Variants in TANGO2 observed in about 807,000 individuals in gnomAD.
TANGO2 encodes transport and golgi organization 2 homolog.
Under a neutral mutation model 39.1 loss-of-function variants are expected in TANGO2, and 26 were observed. The observed-to-expected ratio is 0.67, with a 90% CI of 0.49 to 0.92. The LOEUF is 0.92. Ranked by LOEUF, TANGO2 falls within the 40% of genes least tolerant of loss-of-function variation. The pLI is 0.00. For missense variants in TANGO2, 326 were observed against 360.1 expected, an observed-to-expected ratio of 0.91 and a Z score of 0.77; for synonymous variants, 131 against 144.5, an observed-to-expected ratio of 0.91 and a Z score of 0.67.
chr22:20,027,832 G>A (rs1272966592), intron 1 of TANGO2, among the ~76,000 whole-genome samples: 3 of 150,286 alleles, frequency 2.0e-5, no homozygotes, highest in East Asian at 2.0e-4. Context: ...GGAGTCTCGC[G>A]CTGTCACCCA....
At chr22:20,043,277 G>A (rs1175434416) in intron 2 of TANGO2, 78 bp from the exon 3 acceptor site, 3 of 1,134,880 alleles carry the variant, frequency 2.6e-6, no homozygotes, top group East Asian at 2.4e-5. Context: ...ACTGAGGCCA[G>A]TTTTGTGTGT....
At chr22:20,023,711 C>T (rs988527046) in intron 1 of TANGO2, among the ~76,000 whole-genome samples, 1 of 151,320 alleles carries the variant, frequency 6.6e-6, no homozygotes, top group African/African-American at 2.4e-5. Flanking sequence ...AAAAATTAGC[C>T]GGACGTGGTG....
chr22:20,063,397 G>A lies in TANGO2; in HGVS notation c.665G>A (p.Ser222Asn). The change falls in exon 8 of 9, where the codon AGC becomes AAC. Residue 222 changes from serine to asparagine, a missense_variant. Transcript: ENST00000327374. The part of the protein sequence containing the change: ...QGGEYVQPML[S>N]KYAAVCVRCP... ...GGGGAGTACGTGCAGCCCATGCTGA[G>A]CAAGTACGCGGCTGTGTGCGTGCGC... 6.2e-7 allele frequency: 1 copy of A among 1,613,566 alleles called. No individual in the cohort carries two copies. The highest frequency in any genetic ancestry group is 8.5e-7 in the Non-Finnish European group (1 of 1,179,914).
At chr22:20,041,203 G>A (rs142099321) in intron 2 of TANGO2, among the ~76,000 whole-genome samples, 5 of 152,306 alleles carry the variant, frequency 3.3e-5, no homozygotes, top group African/African-American at 9.6e-5. Flanking sequence ...CTAGAGTGCA[G>A]TGGCACGATC....
chr22:20,042,878 A>G (rs1051126106), intron 2 of TANGO2, among the ~76,000 whole-genome samples: 3 of 152,188 alleles, frequency 2.0e-5, no homozygotes, highest in Non-Finnish European at 4.4e-5. Flanking sequence ...TTAACTCCAA[A>G]ACACACAGAA....
At chr22:20,024,611 G>A (rs2040376775) in intron 1 of TANGO2, among the ~76,000 whole-genome samples, 1 of 152,146 alleles carries the variant, frequency 6.6e-6, no homozygotes, top group Non-Finnish European at 1.5e-5. Flanking sequence ...CAGACTGTAG[G>A]GCTTAGTCAC....
chr22:20,035,490 G>A (rs2042672862), intron 1 of TANGO2, among the ~76,000 whole-genome samples: 1 of 152,220 alleles, frequency 6.6e-6, no homozygotes, highest in Admixed American at 6.5e-5. Flanking sequence ...ACCCTTGGGT[G>A]GCCTCGGAAT....
chr22:20,035,558 A>T (rs1042445177), intron 1 of TANGO2, among the ~76,000 whole-genome samples: 1 of 152,240 alleles, frequency 6.6e-6, no homozygotes, highest in Non-Finnish European at 1.5e-5. Flanking sequence ...TGGGCCCCAG[A>T]GGTCCCTGGG....
chr22:20,052,693 G>A (rs2046600288), intron 4 of TANGO2, 109 bp downstream of exon 4: 8 of 1,392,324 alleles, frequency 5.7e-6, no homozygotes, highest in African/African-American at 1.4e-5. Flanking sequence ...ATGGTGGAGT[G>A]GGGCGGGCCA....
At chr22:20,024,635 A>G (rs1232047948) in intron 1 of TANGO2, among the ~76,000 whole-genome samples, 1 of 152,100 alleles carries the variant, frequency 6.6e-6, no homozygotes, top group African/African-American at 2.4e-5. Flanking sequence ...CTGTTCAGGG[A>G]CTCACCATGT....
chr22:20,066,119 G>T lies in TANGO2; in HGVS notation c.*1457G>T, dbSNP rs1210781395. ...GCTGTGAGAGACCCCATGCGCGTGG[G>T]ATGTGGTAGATGCTGATTATGGGGC... On this transcript the variant is annotated 3_prime_UTR_variant, in exon 9 of 9. Transcript: ENST00000327374. The T allele has an allele frequency of 6.6e-6, 1 of 152,316 alleles. No individual in the cohort carries two copies. 9.4% of individuals were successfully genotyped at this position (152,316 alleles called of 1,614,324 possible).
At chr22:20,044,469 T>A (rs913133154) in intron 3 of TANGO2, among the ~76,000 whole-genome samples, 47 of 152,204 alleles carry the variant, frequency 3.1e-4, no homozygotes, top group Non-Finnish European at 4.9e-4. Context: ...GAGGTTTCAG[T>A]GAGCTGAGAT....
chr22:20,061,471 A>C (rs2048366908), intron 6 of TANGO2, 59 bp from the exon 7 acceptor site: 1 of 1,524,716 alleles, frequency 6.6e-7, no homozygotes, highest in Admixed American at 2.0e-5. Flanking sequence ...GGCAGGTGGC[A>C]ATTTGCCCTG....
At chr22:20,025,175 T>A (rs1020584072) in intron 1 of TANGO2, among the ~76,000 whole-genome samples, 1 of 148,152 alleles carries the variant, frequency 6.7e-6, no homozygotes, top group African/African-American at 2.5e-5. Flanking sequence ...CACTGCAACC[T>A]CTGCCTCTCA....
chr22:20,053,483 C>G lies in TANGO2; in HGVS notation c.312C>G (p.Ser104=). Residue 104 remains serine (S), a synonymous_variant, in exon 5 of 9, where the codon TCC becomes TCG. Coordinates refer to ENST00000327374, the MANE Select transcript of TANGO2 (RefSeq NM_152906.7). ...TGACCACTGACGTGGACAGCTTGTC[C>G]TACCTGAAGAAGGTCTCTATGGAGG... ...HFLTTDVDSL[S]YLKKVSMEGH... 1 of 1,614,040 alleles carries G rather than the reference C, an allele frequency of 6.2e-7. No homozygotes were observed. The highest frequency in any genetic ancestry group is 8.5e-7 in the Non-Finnish European group (1 of 1,179,890).
In TANGO2 at chr22:20,061,678, A is replaced by G; in HGVS notation, c.600A>G (p.Glu200=). ...IASLLDVLNN[E]EAQLPDPAIE... ...GCCTCCTGGATGTGCTCAACAATGAAGAGGCGTGAGTGGGCGGGTCCTGCT... is the reference window on the plus strand; with the variant it reads ...GCCTCCTGGATGTGCTCAACAATGAGGAGGCGTGAGTGGGCGGGTCCTGCT... Residue 200 remains glutamate, a synonymous_variant, in exon 7 of 9, where the codon GAA becomes GAG. Transcript: ENST00000327374. 1 of 1,549,686 alleles carries G rather than the reference A, an allele frequency of 6.5e-7. No homozygotes were observed. The highest frequency in any genetic ancestry group is 8.7e-7 in the Non-Finnish European group (1 of 1,146,334).
intron 1 of TANGO2, among the ~76,000 whole-genome samples, chr22:20,036,275 G>T (rs561701215): frequency 6.6e-6 from 1 of 152,168 alleles, no homozygotes; most frequent in Non-Finnish European, 1.5e-5. Context: ...CTGCGTACTA[G>T]GGGATAAATT....
At chr22:20,052,932 A>G (rs1569311265) in intron 4 of TANGO2, among the ~76,000 whole-genome samples, 1 of 152,122 alleles carries the variant, frequency 6.6e-6, no homozygotes, top group Non-Finnish European at 1.5e-5. Flanking sequence ...CGGCAGAGAC[A>G]GGAAGAGTGA....
intron 3 of TANGO2, among the ~76,000 whole-genome samples, chr22:20,046,316 T>C (rs1400062316): frequency 6.6e-6 from 1 of 152,094 alleles, no homozygotes; most frequent in Non-Finnish European, 1.5e-5. Context: ...CAGCTAATTT[T>C]TAAAAATAAT....
Sources: allele counts gnomAD v4.1 joint callset (sites outside exome capture counted in the v4.1 genomes callset), GRCh38; gene constraint gnomAD v4.1.1; transcripts MANE v1.5; gene names NCBI Gene and HGNC (gene_info 2026-07-23, HGNC 2026-07-21).